Variants in PLCG2 observed in about 807,000 individuals in gnomAD.
PLCG2 encodes the protein phospholipase C gamma 2.
PLCG2 carries 69 observed loss-of-function variants against 175.6 expected under a neutral mutation model. The observed-to-expected ratio is 0.39, with a 90% CI of 0.32 to 0.48. The LOEUF (loss-of-function observed/expected upper bound fraction) is 0.48. Among genes scored for constraint, PLCG2 ranks in the 20% least tolerant of loss-of-function variants. PLCG2 has a pLI of 0.91. For synonymous variants in PLCG2, 827 were observed against 624.0 expected, an observed-to-expected ratio of 1.33 and a Z score of -4.85; for missense variants, 1,798 against 1,650.9, an observed-to-expected ratio of 1.09 and a Z score of -1.54.
At chr16:81,832,387 G>C (rs528597544) in intron 2 of PLCG2, among the ~76,000 whole-genome samples, 2 of 152,262 alleles carry the variant, frequency 1.3e-5, no homozygotes, top group African/African-American at 4.8e-5. Flanking sequence ...AGTAGAATCT[G>C]TCCCCACCCT....
chr16:81,891,722 C>A, intron 11 of PLCG2, 132 bp downstream of exon 11: 1 of 591,638 alleles, frequency 1.7e-6, no homozygotes. Context: ...ATTCCTTGGA[C>A]TAAAATACAC....
Position 81,961,681 on chromosome 16 carries a change from C to T in PLCG2, c.*3683C>T, listed in dbSNP as rs756510612. On this transcript the variant is annotated 3_prime_UTR_variant, in exon 33 of 33. Coordinates refer to ENST00000564138, the MANE Select transcript of PLCG2 (RefSeq NM_002661.5). ...TAAGACTGATCATAAAAAAATGGCC[C>T]TGTTCATAAAATTTTTAAAAAGATC... The T allele has an allele frequency of 4.7e-6, 1 of 211,502 alleles. No individual in the cohort carries two copies. The highest frequency in any genetic ancestry group is 9.6e-6 in the Non-Finnish European group (1 of 104,592). 13.1% of individuals were successfully genotyped at this position (211,502 alleles called of 1,614,324 possible). A position where few individuals can be genotyped will look rare whatever the true frequency, so the allele number is the denominator to read the frequency against.
intron 2 of PLCG2, among the ~76,000 whole-genome samples, chr16:81,841,716 C>A (rs1014394432): frequency 1.6e-4 from 24 of 152,290 alleles, no homozygotes; most frequent in African/African-American, 5.3e-4. Context: ...TAGAGCTGGG[C>A]TCTTTCTGCT....
chr16:81,794,492 C>G (rs1457630370), intron 2 of PLCG2, among the ~76,000 whole-genome samples: 1 of 152,144 alleles, frequency 6.6e-6, no homozygotes, highest in African/African-American at 2.4e-5. Context: ...ATGTATTTGC[C>G]TTTCAGTTAC....
intron 1 of PLCG2, among the ~76,000 whole-genome samples, chr16:81,783,810 A>G (rs1323509772): frequency 6.7e-6 from 1 of 148,540 alleles, no homozygotes; most frequent in African/African-American, 2.5e-5. Flanking sequence ...ATAAGGTAAG[A>G]TGCACATTAA....
chr16:81,774,509 C>A (rs905625708), upstream of PLCG2, among the ~76,000 whole-genome samples: 1 of 152,206 alleles, frequency 6.6e-6, no homozygotes, highest in Admixed American at 6.5e-5. Context: ...TGCCAGCCAG[C>A]AGCTGGGACT....
intron 2 of PLCG2, among the ~76,000 whole-genome samples, chr16:81,803,641 C>G (rs113485652): frequency 0.55 from 53,077 of 96,828 alleles, 11,516 homozygotes; most frequent in South Asian, 0.62. Flanking sequence ...TCTTCCCTCC[C>G]TCCCTCCCTC....
intron 14 of PLCG2, among the ~76,000 whole-genome samples, chr16:81,901,043 G>C (rs1909128586): frequency 6.6e-6 from 1 of 152,246 alleles, no homozygotes; most frequent in Admixed American, 6.5e-5. Flanking sequence ...GTGAGGGAAG[G>C]CGTGCAGAAT....
At chr16:81,840,844 C>T (rs539842303) in intron 2 of PLCG2, among the ~76,000 whole-genome samples, 1 of 152,266 alleles carries the variant, frequency 6.6e-6, no homozygotes, top group South Asian at 2.1e-4. Flanking sequence ...GCACGTGGTC[C>T]CTTGGGGGTG....
rs755086159 is a variant in PLCG2, at chr16:81,960,544, CTAAA to C, written c.*2551_*2554del. The C allele has an allele frequency of 2.2e-4, 50 of 231,420 alleles. No individual in the cohort carries two copies. Among genetic ancestry groups the C allele is most frequent in the African/African-American group, 5.7e-4 (26 of 45,352 alleles). The allele number at this position is 231,420 out of a possible 1,614,324, so 14.3% of individuals were successfully genotyped here. A position where few individuals can be genotyped will look rare whatever the true frequency, so the allele number is the denominator to read the frequency against. On this transcript the variant is annotated 3_prime_UTR_variant, in exon 33 of 33. Coordinates refer to ENST00000564138, the MANE Select transcript of PLCG2 (RefSeq NM_002661.5). ...GTTTGGGAAACTTAGGTTATAAAAA[CTAAA>C]TAAAGTTTTTCTACTGTGAGACTAG...
chr16:81,937,684 A>G, intron 27 of PLCG2, 74 bp from the exon 28 acceptor site: 1 of 1,321,902 alleles, frequency 7.6e-7, no homozygotes, highest in South Asian at 1.3e-5. Context: ...TTCATTCCCC[A>G]CCTAGAAACT....
chr16:81,776,186 G>C (rs373008147), upstream of PLCG2, among the ~76,000 whole-genome samples: 3 of 149,270 alleles, frequency 2.0e-5, no homozygotes, highest in East Asian at 3.9e-4. Flanking sequence ...TCGGCTCACT[G>C]CAAGCTCCAC....
chr16:81,814,196 C>T (rs1401959301), intron 2 of PLCG2, among the ~76,000 whole-genome samples: 4 of 152,224 alleles, frequency 2.6e-5, no homozygotes, highest in South Asian at 2.1e-4. Flanking sequence ...GGAATGGTAC[C>T]GGGTCTGAAG....
At chr16:81,870,996 C>A in intron 7 of PLCG2, 61 bp downstream of exon 7, 1 of 904,986 alleles carries the variant, frequency 1.1e-6, no homozygotes, top group Non-Finnish European at 1.8e-6. Flanking sequence ...ATTTCCAAGT[C>A]TGGCATGTTC....
chr16:81,864,751 A>G (rs1020875158), intron 5 of PLCG2, among the ~76,000 whole-genome samples: 3 of 152,144 alleles, frequency 2.0e-5, no homozygotes, highest in African/African-American at 7.2e-5. Context: ...ATGGCTGGTA[A>G]GTGTCACGGG....
intron 25 of PLCG2, among the ~76,000 whole-genome samples, chr16:81,932,772 C>T (rs1910556830): frequency 6.6e-6 from 1 of 152,220 alleles, no homozygotes; most frequent in African/African-American, 2.4e-5. Flanking sequence ...CTTTCTCTGA[C>T]CCAGGAACTC....
At chr16:81,922,252 C>G (rs1439973513) in intron 21 of PLCG2, among the ~76,000 whole-genome samples, 1 of 152,194 alleles carries the variant, frequency 6.6e-6, no homozygotes, top group Admixed American at 6.5e-5. Context: ...CACTATGGCA[C>G]TAACTCACAT....
At chr16:81,942,197 C>T (rs1337951776) in intron 30 of PLCG2, among the ~76,000 whole-genome samples, 4 of 152,178 alleles carry the variant, frequency 2.6e-5, no homozygotes, top group Non-Finnish European at 5.9e-5. Flanking sequence ...AGGATGAGGG[C>T]CTTGAGCCTC....
At chr16:81,772,404 T>C (rs556675323) in intron 2 of PLCG2, among the ~76,000 whole-genome samples, 182 of 152,236 alleles carry the variant, frequency 1.2e-3, no homozygotes, top group African/African-American at 4.0e-3. Flanking sequence ...AACTGTGAGA[T>C]GATATATCTC....
Sources: allele counts gnomAD v4.1 joint callset (sites outside exome capture counted in the v4.1 genomes callset), GRCh38; gene constraint gnomAD v4.1.1; transcripts MANE v1.5; gene names NCBI Gene and HGNC (gene_info 2026-07-23, HGNC 2026-07-21).